MEGF11: variants seen among roughly 807,000 people sequenced by gnomAD.
The protein encoded by MEGF11 is multiple EGF like domains 11, also known as multiple epidermal growth factor-like domains protein 11.
Under a neutral mutation model 146.6 loss-of-function variants are expected in MEGF11, and 126 were observed. The observed-to-expected ratio is 0.86, with a 90% confidence interval of 0.74 to 1.00. The LOEUF is 1.00. Among genes scored for constraint, MEGF11 ranks in the 50% least tolerant of loss-of-function variants. The pLI is 0.00. For missense variants in MEGF11, 1,509 were observed against 1,521.2 expected (o/e 0.99, Z 0.13); for synonymous variants, 532 against 583.4 (o/e 0.91, Z 1.27).
intron 4 of MEGF11, among the ~76,000 whole-genome samples, chr15:66,112,642 AG>A (rs2087491498): frequency 6.6e-6 from 1 of 150,760 alleles, no homozygotes; most frequent in Non-Finnish European, 1.5e-5. Flanking sequence ...ACCTCTGAGA[AG>A]CAAAGAGTAT....
In MEGF11 at chr15:65,980,877, A is replaced by C; in HGVS notation, c.663T>G (p.Pro221=). Residue 221 remains proline, a synonymous_variant, in exon 7 of 26, where the codon CCT becomes CCG. Coordinates refer to ENST00000395614, the MANE Select transcript of MEGF11 (RefSeq NM_001385028.1). ...GCTCACAGTGAGCTCCATGGCTCCCAGGAGGGCACAGCTCCTCGCAGCTGC... is the reference window on the plus strand; with the variant it reads ...GCTCACAGTGAGCTCCATGGCTCCCCGGAGGGCACAGCTCCTCGCAGCTGC... ...TGVYCEELCP[P]GSHGAHCELR... is the part of the protein sequence containing the mutation. 1 of 1,590,312 alleles carries C rather than the reference A, an allele frequency of 6.3e-7. No homozygotes were observed. Among genetic ancestry groups the C allele is most frequent in the East Asian group, 2.3e-5 (1 of 43,820 alleles).
At chr15:66,102,772 G>A (rs528432615) in intron 4 of MEGF11, among the ~76,000 whole-genome samples, 2 of 152,200 alleles carry the variant, frequency 1.3e-5, no homozygotes, top group African/African-American at 2.4e-5. Flanking sequence ...GACAGGGAGG[G>A]GTCTTGTCCA....
intron 1 of MEGF11, among the ~76,000 whole-genome samples, chr15:66,243,183 G>A (rs988713714): frequency 2.0e-5 from 3 of 152,300 alleles, no homozygotes; most frequent in African/African-American, 7.2e-5. Flanking sequence ...TTGCCCCTGA[G>A]AGGCCGGAGA....
At chr15:65,937,337 ACT>A (rs764474390) in intron 10 of MEGF11, among the ~76,000 whole-genome samples, 2 of 151,930 alleles carry the variant, frequency 1.3e-5, no homozygotes, top group Non-Finnish European at 1.5e-5. Flanking sequence ...TAGCCTAGCA[ACT>A]CTGCCTACTC....
chr15:66,149,603 T>C (rs894844006), intron 1 of MEGF11, among the ~76,000 whole-genome samples: 1 of 152,072 alleles, frequency 6.6e-6, no homozygotes, highest in African/African-American at 2.4e-5. Flanking sequence ...CCCATCTCCA[T>C]CAGCATCACG....
chr15:65,972,642 A>G (rs963756928), intron 7 of MEGF11, among the ~76,000 whole-genome samples: 1 of 152,248 alleles, frequency 6.6e-6, no homozygotes, highest in Non-Finnish European at 1.5e-5. Context: ...CCAGAAGACA[A>G]TGGAGCAATG....
Position 65,929,693 on chromosome 15 carries a change from C to A in MEGF11, c.1572+27G>T, listed in dbSNP as rs1399120675. 5 of 1,543,062 alleles carry A rather than the reference C, an allele frequency of 3.2e-6. No individual in the cohort carries two copies. In the South Asian group the frequency reaches 6.0e-5, roughly 18 times the overall value. On this transcript the variant is annotated intron_variant, in intron 12 of 25. Transcript: ENST00000395614. ...GGGCGTGAGGGGATGCGGAGCCCAACCTGTCCCTCCCCACCCTGGCACTCA... is the reference window on the plus strand; with the variant it reads ...GGGCGTGAGGGGATGCGGAGCCCAAACTGTCCCTCCCCACCCTGGCACTCA...
chr15:66,111,024 A>G (rs72744431), intron 4 of MEGF11, among the ~76,000 whole-genome samples: 8,044 of 152,114 alleles, frequency 0.053, 313 homozygotes, highest in South Asian at 0.15. Flanking sequence ...GAGAAAACCC[A>G]CTGTAGGAGG....
intron 5 of MEGF11, among the ~76,000 whole-genome samples, chr15:66,030,402 C>A (rs755632763): frequency 6.6e-6 from 1 of 152,140 alleles, no homozygotes; most frequent in Non-Finnish European, 1.5e-5. Flanking sequence ...CTCACACACA[C>A]AGTCCTCAAC....
At chr15:66,051,133 G>A (rs914003969) in intron 5 of MEGF11, among the ~76,000 whole-genome samples, 1 of 152,150 alleles carries the variant, frequency 6.6e-6, no homozygotes, top group Non-Finnish European at 1.5e-5. Flanking sequence ...TTATTTCATG[G>A]GAGTCTCACA....
intron 5 of MEGF11, among the ~76,000 whole-genome samples, chr15:65,995,080 T>C (rs2082160479): frequency 6.6e-6 from 1 of 152,184 alleles, no homozygotes; most frequent in Non-Finnish European, 1.5e-5. Context: ...TGAGTGGGAT[T>C]TGATCTGGGA....
At position 66,052,505 on chromosome 15, in the gene MEGF11, G is replaced by A. The variant is rs557125560; in HGVS notation, c.394+41897C>T. ...AATCCTGATCCACATCCTGGGCTGC[G>A]CTGTGACTCCATTTCAACTTGAAAC... On this transcript the variant is annotated intron_variant, in intron 5 of 25. Transcript: ENST00000395614. Among the ~76,000 whole-genome samples the A allele has an allele frequency of 9.8e-5, 15 of 152,296 alleles. No individual in the cohort carries two copies. The East Asian group carries it at 2.9e-3, about 29-fold the overall frequency.
chr15:65,962,850 C>T (rs1472553683), intron 9 of MEGF11, among the ~76,000 whole-genome samples: 1 of 152,112 alleles, frequency 6.6e-6, no homozygotes, highest in Non-Finnish European at 1.5e-5. Flanking sequence ...ACGCTCAGAG[C>T]CCCCACTCTG....
chr15:66,102,445 T>C (rs1171659793), intron 4 of MEGF11, among the ~76,000 whole-genome samples: 1 of 148,670 alleles, frequency 6.7e-6, no homozygotes, highest in African/African-American at 2.5e-5. Context: ...TTTTTTTTTT[T>C]TTTTTTGAGA....
At chr15:66,205,261 C>A (rs2091270028) in intron 1 of MEGF11, among the ~76,000 whole-genome samples, 1 of 152,030 alleles carries the variant, frequency 6.6e-6, no homozygotes, top group Non-Finnish European at 1.5e-5. Context: ...GGCAATATAG[C>A]AAGACCCTGT....
chr15:66,233,478 C>T (rs778851129), intron 1 of MEGF11, among the ~76,000 whole-genome samples: 6 of 152,110 alleles, frequency 3.9e-5, no homozygotes, highest in Non-Finnish European at 1.5e-5. Context: ...TCAAGTGATC[C>T]GCCCACCTCA....
intron 3 of MEGF11, 41 bp downstream of exon 3, chr15:66,123,858 A>G (rs773680384): frequency 2.0e-6 from 3 of 1,531,778 alleles, no homozygotes; most frequent in Non-Finnish European, 2.7e-6. Context: ...CTGAGAGCCC[A>G]GTGCCTTTTC....
chr15:65,931,242 C>T lies in MEGF11; in HGVS notation c.1288-299G>A, dbSNP rs117006802. On this transcript the variant is annotated intron_variant, in intron 10 of 25. Transcript: ENST00000395614. ...GAGATACACCATGAGGAGCCCTCCA[C>T]CCGCTTGTGCTGACTTTGAAGATGG... Among the ~76,000 whole-genome samples, 955 of 152,284 alleles carry T rather than the reference C, an allele frequency of 6.3e-3. 4 individuals are homozygous for T. Among genetic ancestry groups the T allele is most frequent in the Non-Finnish European group, 0.011 (721 of 68,026 alleles).
At chr15:65,980,472 T>C (rs2081597785) in intron 7 of MEGF11, among the ~76,000 whole-genome samples, 1 of 147,036 alleles carries the variant, frequency 6.8e-6, no homozygotes, top group African/African-American at 2.5e-5. Context: ...AAATTGATCT[T>C]GGCTGTGACC....
Sources: gnomAD v4.1 joint callset for allele counts (sites outside exome capture counted in the v4.1 genomes callset) on GRCh38, gnomAD v4.1.1 for gene constraint, MANE v1.5 for transcripts, NCBI Gene and HGNC (gene_info 2026-07-23, HGNC 2026-07-21) for gene names.